The following PTPRC variants were observed in gnomAD, a reference collection of about 807,000 sequenced individuals.
PTPRC encodes receptor-type tyrosine-protein phosphatase C.
Under a neutral mutation model 155.9 loss-of-function variants are expected in PTPRC, and 44 were observed. That is an observed-to-expected ratio of 0.28 (90% confidence interval 0.22 to 0.36). The LOEUF (loss-of-function observed/expected upper bound fraction) is 0.36. Among genes scored for constraint, PTPRC ranks in the 10% least tolerant of loss-of-function variants. The pLI is 1.00. For synonymous variants in PTPRC, 525 were observed against 533.1 expected (o/e 0.98, Z 0.21); for missense variants, 1,401 against 1,564.6 (o/e 0.90, Z 1.76).
chr1:198,658,376 T>C (rs1009860865), intron 2 of PTPRC, among the ~76,000 whole-genome samples: 15 of 152,166 alleles, frequency 9.9e-5, no homozygotes, highest in African/African-American at 3.4e-4. Flanking sequence ...AGCCTGAGTA[T>C]TATTTTATTA....
chr1:198,755,965 A>C lies in PTPRC; in HGVS notation c.3705A>C (p.Gln1235His), dbSNP rs781422394. 8.7e-6 allele frequency: 14 copies of C among 1,613,066 alleles called. No individual in the cohort carries two copies. The South Asian group carries it at 1.3e-4, about 15-fold the overall frequency. ...IASTYPAQNG[Q>H]VKKNNHQEDK... ...GCACCTACCCTGCTCAGAATGGACA[A>C]GTAAAGAAAAACAACCATCAAGAAG... The change falls in exon 33 of 33, where the codon CAA becomes CAC. Residue 1235 changes from glutamine to histidine, a missense_variant. Gln to His is a conservative substitution (Grantham distance 24). This residue lies in a region of PTPRC where 400 missense variants were observed against 389.5 expected (regional missense o/e 1.03). Coordinates refer to ENST00000442510, the MANE Select transcript of PTPRC (RefSeq NM_002838.5).
At chr1:198,749,937 A>G (rs1278850709) in intron 28 of PTPRC, among the ~76,000 whole-genome samples, 4 of 151,842 alleles carry the variant, frequency 2.6e-5, no homozygotes, top group Non-Finnish European at 5.9e-5. Context: ...ATTCAGATAA[A>G]CTGAATTATT....
intron 2 of PTPRC, 120 bp downstream of exon 2, chr1:198,639,461 C>A (rs1056616032): frequency 9.3e-6 from 7 of 754,878 alleles, no homozygotes; most frequent in Non-Finnish European, 1.5e-5. Flanking sequence ...CTGCTGTAAA[C>A]CATCAAGATT....
intron 5 of PTPRC, 110 bp from the exon 6 acceptor site, chr1:198,702,277 A>T: frequency 7.2e-7 from 1 of 1,392,952 alleles, no homozygotes; most frequent in Non-Finnish European, 1.0e-6. Context: ...AAGTGCTTGA[A>T]GATTTGTTTC....
chr1:198,645,305 AAATATC>A (rs1290564196), intron 2 of PTPRC, among the ~76,000 whole-genome samples: 2 of 151,872 alleles, frequency 1.3e-5, no homozygotes, highest in African/African-American at 4.8e-5. Flanking sequence ...AAATCACAAT[AAATATC>A]ATGGCAATAC....
rs182977767 is a variant in PTPRC, at chr1:198,659,282, A to T, written c.73+19941A>T. ...ATACTATTTTATAGTAATTACTTGC[A>T]TATTTTGTAGAAAAGGCAGCTGTGT... On this transcript the variant is annotated intron_variant, in intron 2 of 32. Coordinates refer to ENST00000442510, the MANE Select transcript of PTPRC (RefSeq NM_002838.5). 2.6e-5 allele frequency among the ~76,000 whole-genome samples: 4 copies of T among 152,294 alleles called. No homozygotes were observed. The East Asian group carries it at 7.7e-4, about 29-fold the overall frequency.
rs1477053023 is a variant in PTPRC at position 198,754,420 on chromosome 1, C to T, written c.3645+16C>T. 2 of 1,613,180 alleles carry T rather than the reference C, an allele frequency of 1.2e-6. No individual in the cohort carries two copies. Among genetic ancestry groups the T allele is most frequent in the Non-Finnish European group, 1.7e-6 (2 of 1,179,542 alleles). On this transcript the variant is annotated intron_variant, in intron 32 of 32. Transcript: ENST00000442510. The stretch of plus-strand genomic sequence containing the variant: ...TTCCACATTCGTAAGTATCCTTCAC[C>T]ATTGCTTTTAACATGCTCGGAATTT...
intron 10 of PTPRC, among the ~76,000 whole-genome samples, chr1:198,708,794 A>T (rs905587126): frequency 1.3e-5 from 2 of 151,560 alleles, no homozygotes; most frequent in Non-Finnish European, 2.9e-5. Context: ...GAGGCAACTA[A>T]TAATTGAGAT....
At chr1:198,695,421 CAA>C (rs11362541) in intron 3 of PTPRC, among the ~76,000 whole-genome samples, 47,944 of 123,694 alleles carry the variant, frequency 0.39, 8,796 homozygotes, top group African/African-American at 0.49. Flanking sequence ...ATATGTTAAG[CAA>C]AAAAAAAAAA....
intron 2 of PTPRC, among the ~76,000 whole-genome samples, chr1:198,684,407 T>G (rs1198390285): frequency 6.6e-6 from 1 of 151,892 alleles, no homozygotes; most frequent in African/African-American, 2.4e-5. Flanking sequence ...ATGGTTGCTA[T>G]CTTTAAAATT....
intron 31 of PTPRC, among the ~76,000 whole-genome samples, chr1:198,753,323 A>G (rs1242113193): frequency 6.6e-6 from 1 of 152,048 alleles, no homozygotes; most frequent in East Asian, 1.9e-4. Flanking sequence ...ATACTACTAG[A>G]TTTTATTAGT....
At chr1:198,733,573 C>A (rs540706007) in intron 20 of PTPRC, among the ~76,000 whole-genome samples, 1 of 151,862 alleles carries the variant, frequency 6.6e-6, no homozygotes, top group South Asian at 2.1e-4. Context: ...ATTTAGGAGT[C>A]TGAGATAATT....
chr1:198,662,236 G>A (rs934915977), intron 2 of PTPRC, among the ~76,000 whole-genome samples: 1 of 152,128 alleles, frequency 6.6e-6, no homozygotes, highest in African/African-American at 2.4e-5. Flanking sequence ...TAGATGCTAT[G>A]TTTAATGCAT....
chr1:198,696,025 T>C (rs766559430), intron 3 of PTPRC, among the ~76,000 whole-genome samples: 3 of 151,836 alleles, frequency 2.0e-5, no homozygotes, highest in Non-Finnish European at 2.9e-5. Context: ...CTGGATGTGG[T>C]GGTGTATGCC....
intron 2 of PTPRC, among the ~76,000 whole-genome samples, chr1:198,654,918 A>G (rs779489327): frequency 6.6e-6 from 1 of 151,930 alleles, no homozygotes; most frequent in African/African-American, 2.4e-5. Context: ...CTCAGGAAAT[A>G]TATCAGTGGA....
intron 5 of PTPRC, among the ~76,000 whole-genome samples, chr1:198,701,216 C>G (rs1477414797): frequency 6.6e-6 from 1 of 152,122 alleles, no homozygotes; most frequent in Non-Finnish European, 1.5e-5. Context: ...AGCTGAGAAC[C>G]CATGCTCAAT....
rs770968074 is a variant in PTPRC, at chr1:198,706,864, C to T, written c.816C>T (p.Asn272=). ...CTTGCACAAACAATGAGGTGCATAA[C>T]CTTACAGAATGTAAAAATGCGTCTG... The part of the protein sequence containing the change: ...NNTCTNNEVH[N]LTECKNASVS... Residue 272 remains asparagine, a synonymous_variant, in exon 9 of 33, where the codon AAC becomes AAT. Transcript: ENST00000442510. 6.8e-6 allele frequency: 11 copies of T among 1,613,122 alleles called. No homozygotes were observed. The Admixed American group carries it at 1.0e-4, about 15-fold the overall frequency.
At chr1:198,728,314 CTGAA>C (rs1654235154) in intron 15 of PTPRC, 22 bp from the exon 16 acceptor site, 2 of 1,578,428 alleles carry the variant, frequency 1.3e-6, no homozygotes, top group South Asian at 2.2e-5. Context: ...CAATCGTTCT[CTGAA>C]TGTATTATTT....
intron 26 of PTPRC, among the ~76,000 whole-genome samples, chr1:198,745,618 T>C (rs1443913252): frequency 6.6e-6 from 1 of 151,830 alleles, no homozygotes; most frequent in African/African-American, 2.4e-5. Context: ...AAATTTATGA[T>C]TATAAGTTTA....
Sources: gnomAD v4.1 joint callset for allele counts (sites outside exome capture counted in the v4.1 genomes callset) on GRCh38, gnomAD v4.1.1 for gene constraint, gnomAD v4.1.1 regional missense constraint, MANE v1.5 for transcripts, NCBI Gene and HGNC (gene_info 2026-07-23, HGNC 2026-07-21) for gene names.